Variants in ADGRG1 observed in about 807,000 individuals in gnomAD.
ADGRG1 encodes adhesion G protein-coupled receptor G1, also known as 7-transmembrane protein with no EGF-like N-terminal domains-1.
In ADGRG1, 53 loss-of-function variants were observed where a neutral mutation model predicts 73.5. That is an observed-to-expected ratio of 0.72 (90% CI 0.58 to 0.91). ADGRG1 has a LOEUF of 0.91. Among genes scored for constraint, ADGRG1 ranks in the 40% least tolerant of loss-of-function variants. ADGRG1 has a pLI of 0.00. For missense variants in ADGRG1, 795 were observed against 871.8 expected (o/e 0.91, Z 1.11); for synonymous variants, 394 against 374.4 (o/e 1.05, Z -0.60).
At chr16:57,630,401 C>A in intron 1 of ADGRG1, 1 of 985,770 alleles carries the variant, frequency 1.0e-6, no homozygotes, top group Non-Finnish European at 1.2e-6. Context: ...AGATATGCAC[C>A]CACCTTGGTC....
intron 1 of ADGRG1, among the ~76,000 whole-genome samples, chr16:57,649,483 G>C (rs1215485556): frequency 1.3e-5 from 2 of 152,124 alleles, no homozygotes; most frequent in Non-Finnish European, 2.9e-5. Flanking sequence ...GTTGAGGAGG[G>C]CTTCCTGGAG....
At chr16:57,660,724 C>A in intron 11 of ADGRG1, 44 bp from the exon 12 acceptor site, 1 of 1,487,468 alleles carries the variant, frequency 6.7e-7, no homozygotes, top group Non-Finnish European at 9.3e-7. Context: ...AATGGGCAGG[C>A]CTCAGAGAGC....
chr16:57,637,625 C>A, intron 1 of ADGRG1: 1 of 985,326 alleles, frequency 1.0e-6, no homozygotes. Context: ...CTTTCTTTTC[C>A]TCTTCCTCCG....
chr16:57,654,264 G>A, intron 5 of ADGRG1, 131 bp downstream of exon 5: 1 of 888,532 alleles, frequency 1.1e-6, no homozygotes, highest in Non-Finnish European at 1.7e-6. Flanking sequence ...AAGGTTCCAG[G>A]CCCGAGGATA....
intron 3 of ADGRG1, 59 bp downstream of exon 3, chr16:57,651,681 A>G: frequency 6.4e-7 from 1 of 1,560,460 alleles, no homozygotes; most frequent in Non-Finnish European, 8.7e-7. Context: ...CAGGGAAGGC[A>G]AAATGCAAAG....
intron 1 of ADGRG1, chr16:57,645,474 G>T: frequency 3.2e-6 from 1 of 315,004 alleles, no homozygotes; most frequent in Non-Finnish European, 4.6e-6. Context: ...GAGCCTGATG[G>T]GTCTGCGTCA....
intron 2 of ADGRG1, among the ~76,000 whole-genome samples, chr16:57,650,735 G>A (rs1287816491): frequency 1.4e-5 from 2 of 144,696 alleles, no homozygotes; most frequent in African/African-American, 5.2e-5. Context: ...TTGAGACGGA[G>A]TCTTGCTCTG....
At chr16:57,654,177 G>A in intron 5 of ADGRG1, 44 bp downstream of exon 5, 2 of 1,589,370 alleles carry the variant, frequency 1.3e-6, no homozygotes, top group Non-Finnish European at 1.7e-6. Flanking sequence ...GGTTGGGCCG[G>A]GGCCAGATGG....
In ADGRG1 at chr16:57,657,442, G is replaced by T. The variant is rs372354417; in HGVS notation, c.1237G>T (p.Val413Phe). Reference protein sequence around the residue: ...LSLLSYVGCVVSALACLVTIA... With the variant: ...LSLLSYVGCVFSALACLVTIA... ...CCTCCTCTCCTACGTGGGCTGTGTCGTCTCTGCCCTGGCCTGCCTTGTCAC... is the reference window on the plus strand; with the variant it reads ...CCTCCTCTCCTACGTGGGCTGTGTCTTCTCTGCCCTGGCCTGCCTTGTCAC... Residue 413 changes from valine (V) to phenylalanine (F), a missense_variant, in exon 10 of 14, where the codon GTC becomes TTC. Transcript: ENST00000562631. The T allele has an allele frequency of 9.3e-6, 15 of 1,613,998 alleles. No individual in the cohort carries two copies. The highest frequency in any genetic ancestry group is 1.3e-5 in the African/African-American group (1 of 74,918).
At chr16:57,630,020 C>T (rs1388456103) in intron 1 of ADGRG1, 1 of 984,952 alleles carries the variant, frequency 1.0e-6, no homozygotes, top group African/African-American at 1.7e-5. Context: ...TAGGAATAGC[C>T]TTTGTTGCTC....
chr16:57,651,622 A>C lies in ADGRG1; in HGVS notation c.487A>C (p.Ser163Arg), dbSNP rs373741981. ...CGCCAGCTTCACCTTCTCCTTCCAC[A>C]GTAAGGCAACTTCCAGGCGGAGGGA... ...SAASFTFSFHSPPHTAAHNAS... is the reference protein window; with the variant it reads ...SAASFTFSFHRPPHTAAHNAS... The change falls in exon 3 of 14, where the codon AGT becomes CGT. Residue 163 changes from serine (S) to arginine (R), a missense_variant and splice_region_variant. Coordinates refer to ENST00000562631, the MANE Select transcript of ADGRG1 (RefSeq NM_201525.4). The C allele has an allele frequency of 3.7e-5, 59 of 1,613,406 alleles. No homozygotes were observed. Among genetic ancestry groups the C allele is most frequent in the Admixed American group, 2.3e-4 (14 of 60,002 alleles).
rs187043522 is a variant in ADGRG1, at chr16:57,644,803, C to G, written c.-35-5450C>G. Among the ~76,000 whole-genome samples, 242 of 148,954 alleles carry G rather than the reference C, an allele frequency of 1.6e-3. 1 individual carries two copies. The highest frequency in any genetic ancestry group is 5.8e-3 in the African/African-American group (234 of 40,356). On this transcript the variant is annotated intron_variant, in intron 1 of 13. Coordinates refer to ENST00000562631, the MANE Select transcript of ADGRG1 (RefSeq NM_201525.4). ...ATGCACACTCATGCATGGGCACACA[C>G]TCATCACTCCTCACACACATGCACA... is the stretch of plus-strand genomic sequence containing the variant.
chr16:57,655,680 T>A, intron 6 of ADGRG1, 150 bp downstream of exon 6: 1 of 1,588,120 alleles, frequency 6.3e-7, no homozygotes. Context: ...CAAATCTCCC[T>A]GTGAGAGGGC....
chr16:57,644,480 C>A (rs1328330047), intron 1 of ADGRG1, among the ~76,000 whole-genome samples: 2 of 139,486 alleles, frequency 1.4e-5, no homozygotes, highest in Non-Finnish European at 3.1e-5. Flanking sequence ...GCACACACAC[C>A]CATGCACACA....
chr16:57,635,656 C>T lies in ADGRG1; in HGVS notation c.-36+6854C>T, dbSNP rs1037692152. ...CCAACCCCGCCCCTGTTCCCTGGGC[C>T]GTGAGGCTTTGGGCCCTGTGGCTCA... On this transcript the variant is annotated intron_variant, in intron 1 of 13. Transcript: ENST00000562631. The T allele has an allele frequency of 2.1e-5, 21 of 984,412 alleles. No homozygotes were observed. In the South Asian group the frequency reaches 4.7e-4, roughly 22 times the overall value. The allele number at this position is 984,412 out of a possible 1,614,324, so 61.0% of individuals were successfully genotyped here. A position where few individuals can be genotyped will look rare whatever the true frequency, so the allele number is the denominator to read the frequency against.
At chr16:57,660,571 C>A in intron 11 of ADGRG1, 197 bp from the exon 12 acceptor site, 2 of 816,538 alleles carry the variant, frequency 2.4e-6, no homozygotes, top group Non-Finnish European at 3.0e-6. Flanking sequence ...AGATGGCATC[C>A]CCTTATAGGA....
intron 1 of ADGRG1, among the ~76,000 whole-genome samples, chr16:57,639,013 T>G (rs1320817134): frequency 1.3e-5 from 2 of 150,676 alleles, no homozygotes; most frequent in African/African-American, 4.9e-5. Flanking sequence ...GAGGTTGCAG[T>G]GAGCTGAGAT....
At chr16:57,653,118 A>G in intron 3 of ADGRG1, 85 bp from the exon 4 acceptor site, 1 of 1,595,860 alleles carries the variant, frequency 6.3e-7, no homozygotes, top group South Asian at 1.1e-5. Context: ...ATTCAGAGTC[A>G]TGTCAGGGTG....
chr16:57,631,521 C>G (rs1242547486), intron 1 of ADGRG1: 1 of 985,438 alleles, frequency 1.0e-6, no homozygotes, highest in Admixed American at 6.1e-5. Context: ...ACCCCAGCAC[C>G]ACCTCCTCCT....
Sources: gnomAD v4.1 joint callset for allele counts (sites outside exome capture counted in the v4.1 genomes callset) on GRCh38, gnomAD v4.1.1 for gene constraint, MANE v1.5 for transcripts, NCBI Gene and HGNC (gene_info 2026-07-23, HGNC 2026-07-21) for gene names.